AK8: variants seen among roughly 807,000 people sequenced by gnomAD.
AK8 encodes ATP-AMP transphosphorylase 8.
A neutral mutation model predicts 54.6 loss-of-function variants in AK8; 44 were observed. That is an observed-to-expected ratio of 0.81 (90% CI 0.63 to 1.04). The LOEUF (loss-of-function observed/expected upper bound fraction) is 1.04. Among genes scored for constraint, AK8 ranks in the 50% least tolerant of loss-of-function variants. The probability of loss-of-function intolerance (pLI) is 0.00; values close to 1 mark genes in which losing one functional copy is unlikely to be tolerated. For missense variants in AK8, 555 were observed against 613.6 expected (o/e 0.90, Z 1.01); for synonymous variants, 239 against 245.6 (o/e 0.97, Z 0.25).
At chr9:132,735,198 C>T (rs1171988096) in intron 11 of AK8, among the ~76,000 whole-genome samples, 1 of 144,226 alleles carries the variant, frequency 6.9e-6, no homozygotes, top group Non-Finnish European at 1.6e-5. Flanking sequence ...CAACTGGGAT[C>T]CCCTGACCCA....
chr9:132,787,978 T>C (rs540559026), intron 11 of AK8, among the ~76,000 whole-genome samples: 15 of 151,704 alleles, frequency 9.9e-5, no homozygotes, highest in South Asian at 8.3e-4. Flanking sequence ...TGATCAACTA[T>C]GCAGTAAGCC....
At chr9:132,731,395 G>C (rs931686635) in intron 11 of AK8, among the ~76,000 whole-genome samples, 1 of 152,174 alleles carries the variant, frequency 6.6e-6, no homozygotes, top group Non-Finnish European at 1.5e-5. Flanking sequence ...GTCTGTGCAG[G>C]TGTCTCCAGA....
rs141427819 is a variant in AK8 at position 132,726,565 on chromosome 9, G to T, written c.1203-640C>A. ...TTACAGGCGTGAGCCACCATGCCCG[G>T]CCTCTTGTTCCTTTTTCCTCCCTTC... is the stretch of plus-strand genomic sequence containing the variant. On this transcript the variant is annotated intron_variant, in intron 12 of 12. Coordinates refer to ENST00000298545, the MANE Select transcript of AK8 (RefSeq NM_152572.3). Among the ~76,000 whole-genome samples, 656 of 152,292 alleles carry T rather than the reference G, an allele frequency of 4.3e-3. 4 individuals carry two copies. The highest frequency in any genetic ancestry group is 0.041 in the Middle Eastern group (12 of 294).
intron 5 of AK8, among the ~76,000 whole-genome samples, chr9:132,835,716 C>T (rs1165264620): frequency 2.0e-5 from 3 of 152,284 alleles, no homozygotes; most frequent in East Asian, 1.9e-4. Flanking sequence ...GACCAGGCAC[C>T]GTGGCTCATG....
chr9:132,748,338 T>C (rs1178321758), intron 11 of AK8, among the ~76,000 whole-genome samples: 1 of 150,136 alleles, frequency 6.7e-6, no homozygotes, highest in Non-Finnish European at 1.5e-5. Flanking sequence ...GAATCAGAAC[T>C]TCATTTCAAT....
chr9:132,832,063 GAAAAAAAAAAAAA>G (rs11284701), intron 5 of AK8, among the ~76,000 whole-genome samples: 1 of 12,412 alleles, frequency 8.1e-5, no homozygotes, highest in East Asian at 3.7e-3. Flanking sequence ...CCTTGTCTCT[GAAAAAAAAAAAAA>G]AAAAAAAAAA....
At chr9:132,800,466 GGT>G (rs1840391324) in intron 10 of AK8, among the ~76,000 whole-genome samples, 11 of 152,140 alleles carry the variant, frequency 7.2e-5, no homozygotes, top group Admixed American at 1.3e-4. Flanking sequence ...CCTAAGGGAG[GGT>G]AAGGCCACTG....
At chr9:132,794,449 G>A (rs970148922) in intron 10 of AK8, among the ~76,000 whole-genome samples, 3 of 152,136 alleles carry the variant, frequency 2.0e-5, no homozygotes, top group African/African-American at 7.2e-5. Context: ...TTCAAACTCA[G>A]CCTCAGGGCC....
intron 5 of AK8, among the ~76,000 whole-genome samples, chr9:132,843,783 G>T (rs1842631919): frequency 6.6e-6 from 1 of 152,184 alleles, no homozygotes; most frequent in Non-Finnish European, 1.5e-5. Context: ...TCCAGGGAAG[G>T]AAGCTGGGTG....
intron 5 of AK8, among the ~76,000 whole-genome samples, chr9:132,843,180 C>T (rs1369219811): frequency 6.6e-6 from 1 of 152,152 alleles, no homozygotes; most frequent in Admixed American, 6.5e-5. Context: ...AGAGGTGGAG[C>T]CTGGTGGGAG....
chr9:132,874,144 G>A (rs1843982802), intron 2 of AK8, among the ~76,000 whole-genome samples: 1 of 152,174 alleles, frequency 6.6e-6, no homozygotes, highest in Admixed American at 6.5e-5. Context: ...TCAGAAAAGG[G>A]CCTTTTTGTT....
At chr9:132,757,384 GAA>G (rs1564385729) in intron 11 of AK8, among the ~76,000 whole-genome samples, 1 of 152,236 alleles carries the variant, frequency 6.6e-6, no homozygotes, top group Non-Finnish European at 1.5e-5. Flanking sequence ...AAGACAAGGA[GAA>G]AAAGAGGCCA....
At chr9:132,805,260 T>C (rs1239291354) in intron 10 of AK8, among the ~76,000 whole-genome samples, 1 of 152,204 alleles carries the variant, frequency 6.6e-6, no homozygotes, top group African/African-American at 2.4e-5. Context: ...CTCCTTGGAC[T>C]TCCCAGAAAT....
chr9:132,741,392 C>T (rs1161973763), intron 11 of AK8, among the ~76,000 whole-genome samples: 1 of 152,222 alleles, frequency 6.6e-6, no homozygotes, highest in Non-Finnish European at 1.5e-5. Flanking sequence ...CTAACAAGCA[C>T]TTAGCTTGAC....
chr9:132,781,519 C>T lies in AK8; in HGVS notation c.1121+11115G>A, dbSNP rs1439457278. Among the ~76,000 whole-genome samples the T allele has an allele frequency of 2.0e-5, 3 of 151,980 alleles. No individual in the cohort carries two copies. Among genetic ancestry groups the T allele is most frequent in the African/African-American group, 7.2e-5 (3 of 41,396 alleles). On this transcript the variant is annotated intron_variant, in intron 11 of 12. Coordinates refer to ENST00000298545, the MANE Select transcript of AK8 (RefSeq NM_152572.3). The surrounding 1 kb of genome is among the most constrained non-coding windows in gnomAD (Gnocchi z 4.6). ...AATACACTGAGTAGCTTACCCTTCC[C>T]CGATAACTCTATTTACTAGTGTGAA...
chr9:132,831,961 C>T (rs1041746499), intron 5 of AK8, among the ~76,000 whole-genome samples: 1 of 146,554 alleles, frequency 6.8e-6, no homozygotes, highest in African/African-American at 2.5e-5. Flanking sequence ...ACTTGGGAGG[C>T]TGAGGCAGAA....
chr9:132,805,692 C>T (rs1840688768), intron 10 of AK8, among the ~76,000 whole-genome samples: 1 of 152,136 alleles, frequency 6.6e-6, no homozygotes, highest in African/African-American at 2.4e-5. Context: ...GGTGCTCACC[C>T]GCTTCCTCTA....
intron 11 of AK8, among the ~76,000 whole-genome samples, chr9:132,789,638 A>C (rs988614302): frequency 6.6e-6 from 1 of 151,706 alleles, no homozygotes; most frequent in Non-Finnish European, 1.5e-5. Context: ...AAAGAAAAGA[A>C]AAAAAGATAC....
chr9:132,767,790 TTC>T (rs1838786805), intron 11 of AK8, among the ~76,000 whole-genome samples: 1 of 152,150 alleles, frequency 6.6e-6, no homozygotes, highest in Admixed American at 6.5e-5. Flanking sequence ...AAGAATGAAA[TTC>T]TGTCATTTAC....
Sources: allele counts gnomAD v4.1 joint callset (sites outside exome capture counted in the v4.1 genomes callset), GRCh38; gene constraint gnomAD v4.1.1; non-coding constraint Gnocchi (gnomAD v3.1); transcripts MANE v1.5; gene names NCBI Gene and HGNC (gene_info 2026-07-23, HGNC 2026-07-21).